CATSPERE: variants seen among roughly 807,000 people sequenced by gnomAD.
CATSPERE encodes catsper channel auxiliary subunit epsilon.
A neutral mutation model predicts 114.1 loss-of-function variants in CATSPERE; 93 were observed. The observed-to-expected ratio is 0.81, with a 90% CI of 0.69 to 0.97. CATSPERE has a LOEUF of 0.97. Ranked by LOEUF, CATSPERE falls within the 50% of genes least tolerant of loss-of-function variation. CATSPERE has a pLI of 0.00. For synonymous variants in CATSPERE, 341 were observed against 384.1 expected, an observed-to-expected ratio of 0.89 and a Z score of 1.31; for missense variants, 1,058 against 1,131.6, an observed-to-expected ratio of 0.93 and a Z score of 0.93.
At chr1:244,536,407 T>C (rs1184790762) in intron 8 of CATSPERE, among the ~76,000 whole-genome samples, 3 of 152,198 alleles carry the variant, frequency 2.0e-5, no homozygotes, top group Non-Finnish European at 4.4e-5. Flanking sequence ...TAGCCTGTGA[T>C]GGCAAGGTCT....
intron 8 of CATSPERE, among the ~76,000 whole-genome samples, chr1:244,520,893 T>C (rs1677429990): frequency 6.6e-6 from 1 of 152,160 alleles, no homozygotes; most frequent in Non-Finnish European, 1.5e-5. Context: ...TTAACAATCA[T>C]TGAGGAAGGG....
At chr1:244,613,360 C>A (rs1479729632) in intron 19 of CATSPERE, among the ~76,000 whole-genome samples, 5 of 152,072 alleles carry the variant, frequency 3.3e-5, no homozygotes, top group African/African-American at 1.2e-4. Context: ...GTGCTACAGA[C>A]CACAATGGCA....
chr1:244,474,162 G>C (rs1668914796), intron 2 of CATSPERE, among the ~76,000 whole-genome samples: 1 of 152,032 alleles, frequency 6.6e-6, no homozygotes, highest in Admixed American at 6.6e-5. Flanking sequence ...CTCCTGAGTA[G>C]CTGGGATTAC....
At chr1:244,614,080 C>T (rs924910014) in intron 19 of CATSPERE, among the ~76,000 whole-genome samples, 12 of 152,290 alleles carry the variant, frequency 7.9e-5, no homozygotes, top group East Asian at 5.8e-4. Context: ...CAGATGCAAC[C>T]CTTCGACCTT....
intron 2 of CATSPERE, among the ~76,000 whole-genome samples, chr1:244,476,588 T>C (rs1265947152): frequency 1.3e-5 from 2 of 152,214 alleles, no homozygotes; most frequent in Admixed American, 1.3e-4. Flanking sequence ...CCACCAGTTA[T>C]AATCTCCATT....
At chr1:244,563,169 TA>T (rs1662856904) in intron 10 of CATSPERE, among the ~76,000 whole-genome samples, 2 of 152,222 alleles carry the variant, frequency 1.3e-5, no homozygotes, top group East Asian at 3.8e-4. Flanking sequence ...AGCCTATCAT[TA>T]ATGGGCATTT....
chr1:244,462,180 A>G (rs1666930984), intron 1 of CATSPERE, among the ~76,000 whole-genome samples: 1 of 152,162 alleles, frequency 6.6e-6, no homozygotes. Context: ...TTCTTTTGCC[A>G]GAGGAGAGGA....
In CATSPERE at chr1:244,504,054, G is replaced by T. The variant is rs1674469027; in HGVS notation, c.429+4975G>T. 6.6e-6 allele frequency among the ~76,000 whole-genome samples: 1 copy of T among 151,556 alleles called. No individual in the cohort carries two copies. Among genetic ancestry groups the T allele is most frequent in the Non-Finnish European group, 1.5e-5 (1 of 67,874 alleles). ...GTTTTATTTTTGACTCTGTGTATAA[G>T]CATGTTTCTTTTTTATTTAACATGG... On this transcript the variant is annotated intron_variant, in intron 7 of 21. Transcript: ENST00000366534. This position sits in a 1 kb window ranked among gnomAD's most constrained non-coding sequence, Gnocchi z 4.1.
rs774385897 is a variant in CATSPERE, at chr1:244,605,755, C to T, written c.2364C>T (p.His788=). 46 of 1,612,944 alleles carry T rather than the reference C, an allele frequency of 2.9e-5. No individual in the cohort carries two copies. The highest frequency in any genetic ancestry group is 3.1e-5 in the Non-Finnish European group (36 of 1,179,358). ...VEANFIVWEI[H]GRDDYSFNNT... Reference sequence around the variant, plus strand: ...CAAATTTCATAGTGTGGGAAATACACGGCAGGGATGACTATAGCTTTAATA... The same window carrying T: ...CAAATTTCATAGTGTGGGAAATACATGGCAGGGATGACTATAGCTTTAATA... The change falls in exon 18 of 22, where the codon CAC becomes CAT. Residue 788 remains histidine, a synonymous_variant. Transcript: ENST00000366534.
chr1:244,474,324 A>C (rs1668945257), intron 2 of CATSPERE, among the ~76,000 whole-genome samples: 1 of 151,810 alleles, frequency 6.6e-6, no homozygotes, highest in South Asian at 2.1e-4. Context: ...GAGCCACCGC[A>C]CTCAGTTTAC....
chr1:244,464,658 T>C (rs908801771), intron 2 of CATSPERE, among the ~76,000 whole-genome samples: 12 of 152,200 alleles, frequency 7.9e-5, no homozygotes, highest in Admixed American at 5.9e-4. Flanking sequence ...CACCAAAATT[T>C]GGTGTTATTA....
Position 244,568,625 on chromosome 1 carries a change from C to A in CATSPERE, c.1508-3705C>A, listed in dbSNP as rs1276887287. Among the ~76,000 whole-genome samples the A allele has an allele frequency of 1.3e-5, 2 of 152,206 alleles. No individual in the cohort carries two copies. The highest frequency in any genetic ancestry group is 4.8e-5 in the African/African-American group (2 of 41,456). On this transcript the variant is annotated intron_variant, in intron 10 of 21. Transcript: ENST00000366534. The surrounding 1 kb of genome is among the most constrained non-coding windows in gnomAD (Gnocchi z 4.4). Reference sequence around the variant, plus strand: ...GCTCCGCCCAGTTAGAACTTCCTGGCAGCTTTATTTCCACTGTGAGGGGAA... The same window carrying A: ...GCTCCGCCCAGTTAGAACTTCCTGGAAGCTTTATTTCCACTGTGAGGGGAA...
chr1:244,451,520 T>C, upstream of CATSPERE: 1 of 1,160,832 alleles, frequency 8.6e-7, no homozygotes, highest in Non-Finnish European at 1.2e-6. The surrounding 1 kb of genome is among the most constrained non-coding windows in gnomAD (Gnocchi z 6.6). Context: ...AGCCTCAAGG[T>C]GACACCTCAT....
chr1:244,559,573 GGC>G (rs1263750398), intron 9 of CATSPERE, among the ~76,000 whole-genome samples: 1 of 152,106 alleles, frequency 6.6e-6, no homozygotes, highest in East Asian at 1.9e-4. Flanking sequence ...CCAAGTTTCA[GGC>G]ACAGCAGTTT....
chr1:244,621,153 A>ATATAGATATATCTATAT (rs1558610021), intron 20 of CATSPERE, among the ~76,000 whole-genome samples: 1 of 16,434 alleles, frequency 6.1e-5, no homozygotes, highest in African/African-American at 2.0e-4. Context: ...TATATATTAT[A>ATATAGATATATCTATAT]AAATATATAT....
chr1:244,522,323 G>A lies in CATSPERE; in HGVS notation c.536+3625G>A, dbSNP rs1311187137. On this transcript the variant is annotated intron_variant, in intron 8 of 21. Transcript: ENST00000366534. ...ACACAACATACCAAATCTCTGGGAT[G>A]CATTCAAAGCAGTGTGTAGAGGGAA... 5.3e-5 allele frequency among the ~76,000 whole-genome samples: 8 copies of A among 152,258 alleles called. No individual in the cohort carries two copies. In the East Asian group the frequency reaches 5.8e-4, roughly 11 times the overall value.
intron 8 of CATSPERE, among the ~76,000 whole-genome samples, chr1:244,546,070 C>T (rs1236100489): frequency 1.3e-5 from 2 of 152,174 alleles, no homozygotes; most frequent in Non-Finnish European, 2.9e-5. Context: ...GGGAATTGAC[C>T]CAATCTCTGG....
upstream of CATSPERE, among the ~76,000 whole-genome samples, chr1:244,459,369 G>C (rs562696516): frequency 6.6e-6 from 1 of 152,138 alleles, no homozygotes; most frequent in African/African-American, 2.4e-5. Flanking sequence ...GAGCCACCGC[G>C]CCCAGCCTGG....
At chr1:244,545,654 G>A (rs191617456) in intron 8 of CATSPERE, among the ~76,000 whole-genome samples, 6 of 152,276 alleles carry the variant, frequency 3.9e-5, no homozygotes, top group South Asian at 2.1e-4. Context: ...AGCAGAGACC[G>A]AATGCTTGAT....
Sources: gnomAD v4.1 joint callset for allele counts (sites outside exome capture counted in the v4.1 genomes callset) on GRCh38, gnomAD v4.1.1 for gene constraint, Gnocchi (gnomAD v3.1) non-coding constraint, MANE v1.5 for transcripts, NCBI Gene and HGNC (gene_info 2026-07-23, HGNC 2026-07-21) for gene names.